Variants in FGGY observed in about 807,000 individuals in gnomAD.
FGGY encodes the protein FGGY carbohydrate kinase domain containing, also known as FGGY carbohydrate kinase domain-containing protein.
Under a neutral mutation model 71.3 loss-of-function variants are expected in FGGY, and 72 were observed. That is an observed-to-expected ratio of 1.01 (90% CI 0.84 to 1.23). The LOEUF is 1.23. FGGY is among the 50% of genes most tolerant of loss of function. FGGY has a pLI of 0.00. For synonymous variants in FGGY, 251 were observed against 250.3 expected (o/e 1.00, Z -0.02); for missense variants, 668 against 682.3 (o/e 0.98, Z 0.23).
Position 59,638,316 on chromosome 1 carries a change from G to A in FGGY, c.1162G>A (p.Val388Ile). Reference protein sequence around the residue: ...PVGFLTVDLHVWPDFHGNRSP... With the variant: ...PVGFLTVDLHIWPDFHGNRSP... ...GGGTTTCCTTACTGTTGATTTACAT[G>A]TTTGGCCAGATTTCCATGGCAACCG... is the stretch of plus-strand genomic sequence containing the variant. The change falls in exon 11 of 16, where the codon GTT becomes ATT. Residue 388 changes from valine (V) to isoleucine (I), a missense_variant. Around this residue, in one of 2 missense-constraint regions of FGGY, gnomAD observed 661 missense variants for 661.6 expected, o/e 1.00. Transcript: ENST00000303721. The A allele has an allele frequency of 6.2e-7, 1 of 1,614,198 alleles. No individual in the cohort carries two copies. The highest frequency in any genetic ancestry group is 1.1e-5 in the South Asian group (1 of 91,082).
intron 9 of FGGY, 39 bp downstream of exon 9, chr1:59,607,949 T>C (rs762960408): frequency 2.0e-6 from 3 of 1,524,618 alleles, no homozygotes; most frequent in Non-Finnish European, 2.7e-6. Context: ...TGGATGTTTT[T>C]ATGTCATTGA....
chr1:59,355,729 A>T (rs565729549), intron 4 of FGGY, among the ~76,000 whole-genome samples: 19 of 152,194 alleles, frequency 1.2e-4, no homozygotes, highest in African/African-American at 4.1e-4. Context: ...CCAAAGCTAC[A>T]CAATAGTAGG....
At chr1:59,504,575 A>C (rs1229578240) in intron 6 of FGGY, among the ~76,000 whole-genome samples, 1 of 152,242 alleles carries the variant, frequency 6.6e-6, no homozygotes, top group African/African-American at 2.4e-5. Flanking sequence ...ATTTAGTAAC[A>C]GAAGTCACCT....
At chr1:59,450,473 A>G (rs759611419) in intron 5 of FGGY, among the ~76,000 whole-genome samples, 4 of 152,092 alleles carry the variant, frequency 2.6e-5, no homozygotes, top group Non-Finnish European at 5.9e-5. Flanking sequence ...TCTTTAACCC[A>G]TGTAGTTTCT....
chr1:59,567,843 C>T (rs974017163), intron 8 of FGGY, among the ~76,000 whole-genome samples: 4 of 150,156 alleles, frequency 2.7e-5, no homozygotes, highest in Middle Eastern at 3.4e-3. Context: ...AATCCTTTGT[C>T]GATAAAAAAT....
intron 6 of FGGY, among the ~76,000 whole-genome samples, chr1:59,504,493 A>G (rs1028443492): frequency 1.3e-5 from 2 of 152,152 alleles, no homozygotes; most frequent in African/African-American, 2.4e-5. Flanking sequence ...TCAGAATTGA[A>G]CTAAATGACA....
At chr1:59,540,033 C>A (rs2095415261) in intron 7 of FGGY, among the ~76,000 whole-genome samples, 1 of 152,184 alleles carries the variant, frequency 6.6e-6, no homozygotes, top group Non-Finnish European at 1.5e-5. Flanking sequence ...CCTTGTTAGT[C>A]ATTAGGAAAG....
chr1:59,310,649 C>T (rs1026712150), intron 1 of FGGY, among the ~76,000 whole-genome samples: 1 of 152,106 alleles, frequency 6.6e-6, no homozygotes, highest in Non-Finnish European at 1.5e-5. Context: ...TCAGGGTGTC[C>T]GTTGGGTTTG....
chr1:59,596,116 C>G (rs866613677), intron 8 of FGGY, among the ~76,000 whole-genome samples: 5 of 152,182 alleles, frequency 3.3e-5, no homozygotes, highest in Non-Finnish European at 5.9e-5. Flanking sequence ...TTCTTTTTTA[C>G]TGTCCCTTGC....
chr1:59,607,724 C>A, intron 8 of FGGY, 79 bp from the exon 9 acceptor site: 3 of 1,112,590 alleles, frequency 2.7e-6, no homozygotes, highest in Admixed American at 2.0e-5. Context: ...ATTCCATGGT[C>A]ATAGAAATAT....
rs137859568 is a variant in FGGY at position 59,393,487 on chromosome 1, CAG to C, written c.554+14651_554+14652del. ...AAGCCTCACTACAAGTTCTGTGAAA[CAG>C]GGGGTGTTTGTAAGTTTAGATTGTG... On this transcript the variant is annotated intron_variant, in intron 5 of 15. Coordinates refer to ENST00000303721, the MANE Select transcript of FGGY (RefSeq NM_018291.5). Among the ~76,000 whole-genome samples the C allele has an allele frequency of 4.8e-3, 726 of 152,294 alleles. 7 individuals carry two copies. Among genetic ancestry groups the C allele is most frequent in the Middle Eastern group, 0.02 (6 of 294 alleles).
intron 2 of FGGY, among the ~76,000 whole-genome samples, chr1:59,334,155 T>G (rs570598616): frequency 2.0e-5 from 3 of 152,348 alleles, no homozygotes; most frequent in African/African-American, 7.2e-5. Flanking sequence ...TTGTTTTATT[T>G]TTTTTGAGAT....
chr1:59,513,414 G>A (rs1348260266), intron 7 of FGGY, among the ~76,000 whole-genome samples: 1 of 152,140 alleles, frequency 6.6e-6, no homozygotes, highest in Non-Finnish European at 1.5e-5. Context: ...ACACCTCTGT[G>A]ACTTGGCACA....
chr1:59,413,674 T>C (rs2063925630), intron 5 of FGGY, among the ~76,000 whole-genome samples: 1 of 152,178 alleles, frequency 6.6e-6, no homozygotes, highest in Non-Finnish European at 1.5e-5. Flanking sequence ...GACTTGCAGC[T>C]TTCCAGATTT....
chr1:59,318,794 A>G (rs2045901350), intron 1 of FGGY: 1 of 152,318 alleles, frequency 6.6e-6, no homozygotes, highest in African/African-American at 2.4e-5. Context: ...TAGTCTTGCA[A>G]AAGTCTTGCC....
intron 5 of FGGY, among the ~76,000 whole-genome samples, chr1:59,404,526 C>T (rs2062451475): frequency 6.6e-6 from 1 of 152,136 alleles, no homozygotes; most frequent in African/African-American, 2.4e-5. Flanking sequence ...GCAGATAGAG[C>T]ACAGGTAGTT....
intron 11 of FGGY, among the ~76,000 whole-genome samples, chr1:59,653,677 G>C (rs190150126): frequency 6.6e-6 from 1 of 152,152 alleles, no homozygotes; most frequent in African/African-American, 2.4e-5. Context: ...AGATGAACCC[G>C]GTACCTCAGA....
chr1:59,699,314 T>C (rs1260521861), intron 14 of FGGY: 1 of 984,630 alleles, frequency 1.0e-6, no homozygotes, highest in Admixed American at 6.2e-5. Context: ...ACTAAATTGT[T>C]TGTAGCTTCT....
At chr1:59,440,094 C>CAAA (rs140279518) in intron 5 of FGGY, among the ~76,000 whole-genome samples, 2,903 of 125,404 alleles carry the variant, frequency 0.023, 70 homozygotes, top group African/African-American at 0.053. Flanking sequence ...TTGCAAGGTT[C>CAAA]AAAAAAAAAA....
Sources: allele counts gnomAD v4.1 joint callset (sites outside exome capture counted in the v4.1 genomes callset), GRCh38; gene constraint gnomAD v4.1.1; regional missense constraint gnomAD v4.1.1; transcripts MANE v1.5; gene names NCBI Gene and HGNC (gene_info 2026-07-23, HGNC 2026-07-21).